EVI5: variants seen among roughly 807,000 people sequenced by gnomAD.
The protein encoded by EVI5 is ecotropic viral integration site 5.
In EVI5, 73 loss-of-function variants were observed where a neutral mutation model predicts 112.0. The ratio of observed to expected loss-of-function variants is 0.65; its 90% CI spans 0.54 to 0.79. The LOEUF is 0.79. EVI5 is among the 30% of genes least tolerant of loss of function. The pLI, the probability that EVI5 is intolerant of heterozygous loss-of-function variation, is 0.00. For synonymous variants in EVI5, 305 were observed against 319.9 expected, an observed-to-expected ratio of 0.95 and a Z score of 0.50; for missense variants, 900 against 968.8, an observed-to-expected ratio of 0.93 and a Z score of 0.94.
intron 1 of EVI5, among the ~76,000 whole-genome samples, chr1:92,753,416 TAA>T (rs1294880583): frequency 6.6e-6 from 1 of 152,216 alleles, no homozygotes; most frequent in African/African-American, 2.4e-5. Context: ...CCATATCAGT[TAA>T]GATTCTCTAG....
At chr1:92,772,423 T>C (rs776481400) in intron 1 of EVI5, among the ~76,000 whole-genome samples, 83 of 150,926 alleles carry the variant, frequency 5.5e-4, no homozygotes, top group Non-Finnish European at 9.0e-4. Flanking sequence ...AGTGAAACCC[T>C]GATTCTACTA....
At chr1:92,554,523 T>A (rs1667409542) in intron 19 of EVI5, among the ~76,000 whole-genome samples, 1 of 152,226 alleles carries the variant, frequency 6.6e-6, no homozygotes, top group African/African-American at 2.4e-5. Flanking sequence ...ATCTCAGCTT[T>A]AAGTATTTTA....
At chr1:92,745,098 A>AC (rs1553264123) in intron 1 of EVI5, among the ~76,000 whole-genome samples, 4 of 129,828 alleles carry the variant, frequency 3.1e-5, no homozygotes, top group Non-Finnish European at 4.9e-5. Context: ...TGCCAGGCTA[A>AC]TTTTTTTTTT....
intron 13 of EVI5, among the ~76,000 whole-genome samples, chr1:92,646,351 C>CAA (rs1001275236): frequency 6.6e-6 from 1 of 152,136 alleles, no homozygotes; most frequent in Non-Finnish European, 1.5e-5. Flanking sequence ...ACAGCTTGTT[C>CAA]AAAAAGTTTA....
chr1:92,680,437 G>A (rs1228423787), intron 9 of EVI5, among the ~76,000 whole-genome samples: 2 of 152,160 alleles, frequency 1.3e-5, no homozygotes, highest in Non-Finnish European at 2.9e-5. Context: ...AATAATCCAT[G>A]AATTCACACT....
intron 19 of EVI5, among the ~76,000 whole-genome samples, chr1:92,515,481 T>C (rs1659715982): frequency 6.6e-6 from 1 of 152,226 alleles, no homozygotes; most frequent in Admixed American, 6.5e-5. Flanking sequence ...TGACATTCTG[T>C]CACTTATTTC....
intron 16 of EVI5, among the ~76,000 whole-genome samples, chr1:92,618,451 C>T (rs116318223): frequency 0.013 from 1,976 of 152,294 alleles, 19 homozygotes; most frequent in Middle Eastern, 0.027. Context: ...GCTGGGATGA[C>T]TGACCCGGAC....
intron 1 of EVI5, chr1:92,756,914 A>G (rs1558211618): frequency 5.4e-6 from 2 of 370,494 alleles, no homozygotes; most frequent in East Asian, 1.3e-4. Context: ...GAGCTTTCAG[A>G]CAAATGAACA....
intron 9 of EVI5, among the ~76,000 whole-genome samples, chr1:92,689,692 G>C (rs988634994): frequency 6.6e-6 from 1 of 151,992 alleles, no homozygotes; most frequent in Admixed American, 6.5e-5. Context: ...TTACACTGCC[G>C]GGTTAGACTA....
intron 1 of EVI5, chr1:92,749,227 G>T: frequency 2.9e-6 from 1 of 341,316 alleles, no homozygotes; most frequent in Non-Finnish European, 5.9e-6. Flanking sequence ...AGCTTTTGTA[G>T]CCAGTTGCTT....
chr1:92,551,784 G>C (rs1666977578), intron 19 of EVI5, among the ~76,000 whole-genome samples: 1 of 152,138 alleles, frequency 6.6e-6, no homozygotes, highest in African/African-American at 2.4e-5. Context: ...AAGAATTGCT[G>C]TAAAAAACTA....
intron 9 of EVI5, among the ~76,000 whole-genome samples, chr1:92,685,418 T>C (rs1459303575): frequency 6.6e-6 from 1 of 152,112 alleles, no homozygotes; most frequent in African/African-American, 2.4e-5. Flanking sequence ...TAGAGGGAAA[T>C]TTATAGCACT....
At chr1:92,695,616 T>C (rs767006004) in intron 6 of EVI5, among the ~76,000 whole-genome samples, 163 bp from the exon 7 acceptor site, 3 of 152,108 alleles carry the variant, frequency 2.0e-5, no homozygotes, top group Non-Finnish European at 4.4e-5. Flanking sequence ...GGCTAGTATC[T>C]AGGAAAGAAA....
intron 13 of EVI5, among the ~76,000 whole-genome samples, chr1:92,640,719 C>A (rs1156669370): frequency 6.6e-6 from 1 of 152,122 alleles, no homozygotes; most frequent in Non-Finnish European, 1.5e-5. Flanking sequence ...CCCAGCAATA[C>A]CATTACCAGG....
At chr1:92,641,229 T>C (rs1659907379) in intron 13 of EVI5, among the ~76,000 whole-genome samples, 1 of 152,338 alleles carries the variant, frequency 6.6e-6, no homozygotes, top group African/African-American at 2.4e-5. Flanking sequence ...ATTTTTAAAA[T>C]GTTTATCTCT....
At chr1:92,536,672 G>C (rs534804799) in intron 19 of EVI5, among the ~76,000 whole-genome samples, 154 of 152,286 alleles carry the variant, frequency 1.0e-3, no homozygotes, top group Non-Finnish European at 1.4e-3. Flanking sequence ...AAATAGAGAA[G>C]TGTCATGGTT....
chr1:92,616,668 A>C (rs1302831791), intron 16 of EVI5, among the ~76,000 whole-genome samples: 1 of 152,226 alleles, frequency 6.6e-6, no homozygotes, highest in Non-Finnish European at 1.5e-5. Context: ...AGAGACCTCT[A>C]GGATTTTGGA....
intron 19 of EVI5, among the ~76,000 whole-genome samples, chr1:92,552,349 C>A (rs1185762737): frequency 5.9e-5 from 9 of 152,150 alleles, no homozygotes; most frequent in Non-Finnish European, 1.2e-4. Flanking sequence ...GATATAACAA[C>A]CATTAATTAG....
At chr1:92,722,415 T>C (rs1361022218) in intron 2 of EVI5, among the ~76,000 whole-genome samples, 8 of 151,876 alleles carry the variant, frequency 5.3e-5, no homozygotes. Context: ...GCTGCACCCA[T>C]TACCTCGTCA....
Sources: allele counts gnomAD v4.1 joint callset (sites outside exome capture counted in the v4.1 genomes callset), GRCh38; gene constraint gnomAD v4.1.1; transcripts MANE v1.5; gene names NCBI Gene and HGNC (gene_info 2026-07-23, HGNC 2026-07-21).